FNDC3B: variants seen among roughly 807,000 people sequenced by gnomAD.
FNDC3B encodes the protein fibronectin type III domain containing 3B, also known as fibronectin type III domain-containing protein 3B.
A neutral mutation model predicts 151.5 loss-of-function variants in FNDC3B; 12 were observed. The observed-to-expected ratio is 0.08, with a 90% confidence interval of 0.05 to 0.13. The LOEUF (loss-of-function observed/expected upper bound fraction) is 0.13, where lower values mean the gene tolerates loss of function less well. FNDC3B is among the 10% of genes least tolerant of loss of function. The pLI, the probability that FNDC3B is intolerant of heterozygous loss-of-function variation, is 1.00. For synonymous variants in FNDC3B, 528 were observed against 549.0 expected, an observed-to-expected ratio of 0.96 and a Z score of 0.54; for missense variants, 1,214 against 1,505.3, an observed-to-expected ratio of 0.81 and a Z score of 3.20.
intron 21 of FNDC3B, among the ~76,000 whole-genome samples, chr3:172,348,725 T>A (rs779391737): frequency 6.6e-6 from 1 of 152,232 alleles, no homozygotes. Flanking sequence ...ATAAGAATAG[T>A]ACCTGCATAA....
chr3:172,318,682 G>A (rs1313730394), intron 11 of FNDC3B, among the ~76,000 whole-genome samples: 1 of 152,168 alleles, frequency 6.6e-6, no homozygotes, highest in Non-Finnish European at 1.5e-5. Context: ...TGGACAGTGT[G>A]TTGGTTGGTT....
At chr3:172,079,350 A>G (rs528947027) in intron 1 of FNDC3B, among the ~76,000 whole-genome samples, 158 of 152,292 alleles carry the variant, frequency 1.0e-3, no homozygotes, top group African/African-American at 3.7e-3. Context: ...CCCTTTCTCC[A>G]AAGATGGAGT....
At position 172,279,215 on chromosome 3, in the gene FNDC3B, G is replaced by A. The variant is rs375207609; in HGVS notation, c.791-6711G>A. 6.6e-5 allele frequency among the ~76,000 whole-genome samples: 9 copies of A among 136,682 alleles called. No individual in the cohort carries two copies. The East Asian group carries it at 1.2e-3, about 18-fold the overall frequency. The allele number at this position is 136,682 out of a possible 152,430, so 89.7% of individuals were successfully genotyped here. On this transcript the variant is annotated intron_variant, in intron 6 of 25. Coordinates refer to ENST00000415807, the MANE Select transcript of FNDC3B (RefSeq NM_022763.4). The stretch of plus-strand genomic sequence containing the variant: ...GGGCTTGACTCAAATCACAGGCCTG[G>A]GGAGTGGGGGGCGGGGGGCGGGGAA...
intron 3 of FNDC3B, among the ~76,000 whole-genome samples, chr3:172,184,596 G>C (rs1248396459): frequency 6.6e-6 from 1 of 152,156 alleles, no homozygotes; most frequent in African/African-American, 2.4e-5. Context: ...GACAAATGGT[G>C]TATCAGTGTG....
At chr3:172,116,669 A>G (rs1245445110) in intron 2 of FNDC3B, among the ~76,000 whole-genome samples, 1 of 152,060 alleles carries the variant, frequency 6.6e-6, no homozygotes, top group Non-Finnish European at 1.5e-5. Flanking sequence ...GGGTTCAAGC[A>G]ATTCTCCTGC....
intron 2 of FNDC3B, among the ~76,000 whole-genome samples, chr3:172,118,184 C>T (rs1215673720): frequency 6.6e-6 from 1 of 152,184 alleles, no homozygotes; most frequent in Non-Finnish European, 1.5e-5. Context: ...TAAAGCTTTC[C>T]ACCCTCAGAT....
intron 9 of FNDC3B, chr3:172,302,921 T>TGAGAGAGAGA (rs57989779): frequency 1.3e-5 from 2 of 150,740 alleles, no homozygotes; most frequent in African/African-American, 4.9e-5. Flanking sequence ...TGTGTGTGCC[T>TGAGAGAGAGA]GAGAGAGAGA....
chr3:172,121,383 A>T (rs981837599), intron 2 of FNDC3B, among the ~76,000 whole-genome samples: 1 of 152,106 alleles, frequency 6.6e-6, no homozygotes, highest in East Asian at 1.9e-4. Flanking sequence ...TACCTCTTAC[A>T]TGTTAGGACC....
intron 1 of FNDC3B, among the ~76,000 whole-genome samples, chr3:172,043,457 T>G (rs1241849958): frequency 6.6e-6 from 1 of 152,116 alleles, no homozygotes; most frequent in Non-Finnish European, 1.5e-5. Context: ...AGTGATCCTC[T>G]CCCCTTAGCC....
intron 5 of FNDC3B, among the ~76,000 whole-genome samples, chr3:172,249,615 G>A (rs543881808): frequency 6.6e-6 from 1 of 152,268 alleles, no homozygotes; most frequent in East Asian, 1.9e-4. Context: ...TGTCTGAAAA[G>A]ATTATTACTG....
At chr3:172,369,976 A>G (rs1027940863) in intron 23 of FNDC3B, among the ~76,000 whole-genome samples, 6 of 152,186 alleles carry the variant, frequency 3.9e-5, no homozygotes, top group Non-Finnish European at 4.4e-5. Context: ...AAAAAAAGAC[A>G]TGTCATTTTT....
intron 1 of FNDC3B, among the ~76,000 whole-genome samples, chr3:172,090,274 T>TATTTGTG (rs1718748250): frequency 6.6e-6 from 1 of 152,144 alleles, no homozygotes; most frequent in Non-Finnish European, 1.5e-5. Context: ...GTGATGCACA[T>TATTTGTG]CTCCTAGCTC....
intron 6 of FNDC3B, among the ~76,000 whole-genome samples, chr3:172,272,971 A>G (rs1301056290): frequency 6.6e-6 from 1 of 152,232 alleles, no homozygotes; most frequent in African/African-American, 2.4e-5. Context: ...AATCTGCACA[A>G]AACTTCTTTG....
intron 23 of FNDC3B, among the ~76,000 whole-genome samples, chr3:172,370,328 T>C (rs1734827642): frequency 6.6e-6 from 1 of 152,198 alleles, no homozygotes; most frequent in African/African-American, 2.4e-5. Flanking sequence ...CTATAGTGAT[T>C]TAAAATAAAG....
At chr3:172,194,416 T>G (rs1199013488) in intron 3 of FNDC3B, among the ~76,000 whole-genome samples, 2 of 152,206 alleles carry the variant, frequency 1.3e-5, no homozygotes. Context: ...GAGACATGTT[T>G]TTGTTTTTGG....
intron 6 of FNDC3B, among the ~76,000 whole-genome samples, chr3:172,264,091 A>G (rs1728797377): frequency 6.6e-6 from 1 of 152,058 alleles, no homozygotes; most frequent in Non-Finnish European, 1.5e-5. Flanking sequence ...GGCTCAAACA[A>G]TCCTCCTGTC....
At chr3:172,281,717 G>A (rs2108818732) in intron 6 of FNDC3B, among the ~76,000 whole-genome samples, 1 of 152,182 alleles carries the variant, frequency 6.6e-6, no homozygotes, top group South Asian at 2.1e-4. Context: ...TGTTTAGTTG[G>A]CTCACACCAA....
At chr3:172,338,492 T>C (rs1221812451) in intron 16 of FNDC3B, among the ~76,000 whole-genome samples, 3 of 152,210 alleles carry the variant, frequency 2.0e-5, no homozygotes, top group South Asian at 2.1e-4. Flanking sequence ...GTTTAGAAAA[T>C]GTCTTTCCAA....
intron 3 of FNDC3B, among the ~76,000 whole-genome samples, chr3:172,214,082 G>A (rs1309647068): frequency 6.6e-6 from 1 of 152,212 alleles, no homozygotes; most frequent in Non-Finnish European, 1.5e-5. Context: ...GAAAATAGCA[G>A]TCTAGGTGAC....
Sources: gnomAD v4.1 joint callset for allele counts (sites outside exome capture counted in the v4.1 genomes callset) on GRCh38, gnomAD v4.1.1 for gene constraint, MANE v1.5 for transcripts, NCBI Gene and HGNC (gene_info 2026-07-23, HGNC 2026-07-21) for gene names.